DYNC2I2: variants seen among roughly 807,000 people sequenced by gnomAD.
DYNC2I2 encodes cytoplasmic dynein 2 intermediate chain 2.
DYNC2I2 carries 39 observed loss-of-function variants against 52.0 expected under a neutral mutation model. The ratio of observed to expected loss-of-function variants is 0.75; its 90% CI spans 0.58 to 0.98. The LOEUF (loss-of-function observed/expected upper bound fraction) is 0.98. Ranked by LOEUF, DYNC2I2 falls within the 50% of genes least tolerant of loss-of-function variation. The pLI is 0.00. For synonymous variants in DYNC2I2, 359 were observed against 321.1 expected, an observed-to-expected ratio of 1.12 and a Z score of -1.26; for missense variants, 743 against 728.4, an observed-to-expected ratio of 1.02 and a Z score of -0.23.
At position 128,656,706 on chromosome 9, in the gene DYNC2I2, C is replaced by G. The variant is rs771586181; in HGVS notation, c.21G>C (p.Pro7=). MATRAQ[P]GPLSQAGSAG... is the part of the protein sequence containing the mutation. Reference sequence around the variant, plus strand: ...CGCTTCCCGCCTGGCTGAGTGGCCCCGGCTGCGCGCGGGTTGCCATGGAGA... The same window carrying G: ...CGCTTCCCGCCTGGCTGAGTGGCCCGGGCTGCGCGCGGGTTGCCATGGAGA... Residue 7 remains proline, a synonymous_variant, in exon 1 of 9, where the codon CCG becomes CCC. Transcript: ENST00000372715. 8 of 1,436,392 alleles carry G rather than the reference C, an allele frequency of 5.6e-6. No homozygotes were observed. The highest frequency in any genetic ancestry group is 4.5e-5 in the African/African-American group (3 of 67,310). 89.0% of individuals were successfully genotyped at this position (1,436,392 alleles called of 1,614,324 possible). A position where few individuals can be genotyped will look rare whatever the true frequency, so the allele number is the denominator to read the frequency against.
At chr9:128,648,631 C>CAAAAAAAAAA (rs71381783) in intron 1 of DYNC2I2, among the ~76,000 whole-genome samples, 4 of 121,254 alleles carry the variant, frequency 3.3e-5, no homozygotes, top group Non-Finnish European at 1.6e-5. Flanking sequence ...ACTAAAAATA[C>CAAAAAAAAAA]AAAAAAAAAA....
Position 128,641,819 on chromosome 9 carries a change from C to T in DYNC2I2, c.187-880G>A, listed in dbSNP as rs141053411. ...TCTTCTGAACACACAGGCCTCAGCA[C>T]TGGTACCCACCCTCACCTCCACAGG... On this transcript the variant is annotated intron_variant, in intron 1 of 8. Coordinates refer to ENST00000372715, the MANE Select transcript of DYNC2I2 (RefSeq NM_052844.4). Among the ~76,000 whole-genome samples, 189 of 152,246 alleles carry T rather than the reference C, an allele frequency of 1.2e-3. 1 individual carries two copies. The highest frequency in any genetic ancestry group is 4.3e-3 in the African/African-American group (178 of 41,532).
chr9:128,656,622 T>TGGCCGCCCCGGCCCC lies in DYNC2I2; in HGVS notation c.90_104dup (p.Gly33_Pro37dup), dbSNP rs1860831973. ...CCAGGGTCTCGTCCTGCAGCGGCCCTGGCCGCCCCGGCCCCGGGCCGCTCG... is the reference window on the plus strand; with the variant it reads ...CCAGGGTCTCGTCCTGCAGCGGCCCTGGCCGCCCCGGCCCCGGCCGCCCCGGCCCCGGGCCGCTCG... On this transcript the variant is annotated inframe_insertion, in exon 1 of 9. Transcript: ENST00000372715. 4.0e-6 allele frequency: 6 copies of TGGCCGCCCCGGCCCC among 1,498,148 alleles called. No individual in the cohort carries two copies. Among genetic ancestry groups the TGGCCGCCCCGGCCCC allele is most frequent in the Non-Finnish European group, 5.3e-6 (6 of 1,131,602 alleles). 92.8% of individuals were successfully genotyped at this position (1,498,148 alleles called of 1,614,324 possible).
At chr9:128,640,622 G>C (rs912977018) in intron 2 of DYNC2I2, 69 bp downstream of exon 2, 2 of 1,558,830 alleles carry the variant, frequency 1.3e-6, no homozygotes, top group Admixed American at 3.7e-5. Flanking sequence ...TTATTTGTGG[G>C]AAGGAAAACA....
At chr9:128,634,413 G>C in intron 7 of DYNC2I2, 30 bp from the exon 8 acceptor site, 1 of 1,554,780 alleles carries the variant, frequency 6.4e-7, no homozygotes, top group East Asian at 2.2e-5. Flanking sequence ...CCAGGCAAGG[G>C]AATCAGTGCT....
intron 1 of DYNC2I2, among the ~76,000 whole-genome samples, chr9:128,655,749 A>C (rs1322635546): frequency 6.7e-6 from 1 of 148,384 alleles, no homozygotes; most frequent in Non-Finnish European, 1.5e-5. Flanking sequence ...CTCTACTAAA[A>C]AATACAAAAA....
upstream of DYNC2I2, among the ~76,000 whole-genome samples, chr9:128,659,679 C>T (rs1336353733): frequency 9.2e-5 from 14 of 151,748 alleles, 1 homozygote; most frequent in South Asian, 6.2e-4. Flanking sequence ...GAGGCCGAGG[C>T]GGGTGGATCA....
chr9:128,635,134 G>T lies in DYNC2I2; in HGVS notation c.939C>A (p.Ala313=), dbSNP rs1860363818. Residue 313 remains alanine (A), a synonymous_variant, in exon 6 of 9, where the codon GCC becomes GCA. Transcript: ENST00000372715. The stretch of plus-strand genomic sequence containing the variant: ...TCCGTGGCAGCTGCTGCATGACCAG[G>T]GCGAAGCCCTCTGTGAGCTGCAGCT... ...VGQLQLTEGF[A]LVMQQLPRST... is the part of the protein sequence containing the mutation. 1 of 1,613,436 alleles carries T rather than the reference G, an allele frequency of 6.2e-7. No homozygotes were observed. The highest frequency in any genetic ancestry group is 8.5e-7 in the Non-Finnish European group (1 of 1,179,982).
chr9:128,655,336 A>T (rs1409075563), intron 1 of DYNC2I2, among the ~76,000 whole-genome samples: 2 of 61,740 alleles, frequency 3.2e-5, no homozygotes, highest in African/African-American at 1.8e-4. Flanking sequence ...CGTCTCTACT[A>T]AAAAAAAAAA....
rs551898728 is a variant in DYNC2I2 at position 128,651,212 on chromosome 9, G to A, written c.186+5329C>T. On this transcript the variant is annotated intron_variant, in intron 1 of 8. Coordinates refer to ENST00000372715, the MANE Select transcript of DYNC2I2 (RefSeq NM_052844.4). ...CTACATTATGCACCTCTATCTTTCC[G>A]TAACCCCATGATGTCTAAGCTTCAA... The A allele has an allele frequency of 6.5e-3, 396 of 60,576 alleles. 161 individuals are homozygous for A. In the South Asian group the frequency reaches 0.097, roughly 15 times the overall value. The allele number at this position is 60,576 out of a possible 1,614,324, so 3.8% of individuals were successfully genotyped here. A position where few individuals can be genotyped will look rare whatever the true frequency, so the allele number is the denominator to read the frequency against.
chr9:128,647,991 G>A (rs552538179), intron 1 of DYNC2I2, among the ~76,000 whole-genome samples: 2 of 152,182 alleles, frequency 1.3e-5, no homozygotes, highest in African/African-American at 4.8e-5. Context: ...AGGAAACTGA[G>A]GCCCAGAAAG....
At chr9:128,643,637 A>C (rs1422869163) in intron 1 of DYNC2I2, among the ~76,000 whole-genome samples, 1 of 151,782 alleles carries the variant, frequency 6.6e-6, no homozygotes, top group Non-Finnish European at 1.5e-5. Flanking sequence ...GGCTGCAGTG[A>C]GCAGTTGATT....
At chr9:128,638,837 A>G (rs1053658856) in intron 2 of DYNC2I2, among the ~76,000 whole-genome samples, 15 of 152,252 alleles carry the variant, frequency 9.9e-5, no homozygotes, top group African/African-American at 3.1e-4. Flanking sequence ...TGGTCTGTCC[A>G]TGCAACACCA....
chr9:128,646,166 T>C (rs1023050949), intron 1 of DYNC2I2, among the ~76,000 whole-genome samples: 3 of 152,170 alleles, frequency 2.0e-5, no homozygotes, highest in Non-Finnish European at 2.9e-5. Context: ...GCTCAGATTA[T>C]TGATGAAGGT....
chr9:128,639,218 G>A (rs1382310482), intron 2 of DYNC2I2, among the ~76,000 whole-genome samples: 1 of 151,960 alleles, frequency 6.6e-6, no homozygotes, highest in Non-Finnish European at 1.5e-5. Context: ...TGACCAACAT[G>A]GTGAAATCCA....
At chr9:128,664,698 T>C in the DYNC2I2 span, among the ~76,000 whole-genome samples, 2 of 151,754 alleles carry the variant, frequency 1.3e-5, no homozygotes, top group Non-Finnish European at 2.9e-5. Context: ...TTGGCCAGGC[T>C]GGTCACGAAC....
At chr9:128,666,147 G>A in the DYNC2I2 span, among the ~76,000 whole-genome samples, 4 of 151,750 alleles carry the variant, frequency 2.6e-5, no homozygotes, top group South Asian at 2.1e-4. Context: ...AGCCTAAGGC[G>A]GGCAGATCAC....
chr9:128,641,114 C>A (rs1164507997), intron 1 of DYNC2I2, among the ~76,000 whole-genome samples, 175 bp from the exon 2 acceptor site: 1 of 152,062 alleles, frequency 6.6e-6, no homozygotes, highest in Non-Finnish European at 1.5e-5. Flanking sequence ...CTATGTCCCA[C>A]AACCAATCAG....
At chr9:128,647,081 C>T (rs558523199) in intron 1 of DYNC2I2, among the ~76,000 whole-genome samples, 54 of 152,138 alleles carry the variant, frequency 3.5e-4, no homozygotes, top group Non-Finnish European at 6.5e-4. Flanking sequence ...GCTGAGATTG[C>T]GCCATCACAC....
Sources: allele counts gnomAD v4.1 joint callset (sites outside exome capture counted in the v4.1 genomes callset), GRCh38; gene constraint gnomAD v4.1.1; transcripts MANE v1.5; gene names NCBI Gene and HGNC (gene_info 2026-07-23, HGNC 2026-07-21).